LRP1B: variants seen among roughly 807,000 people sequenced by gnomAD.
LRP1B encodes low-density lipoprotein receptor-related protein 1B.
Under a neutral mutation model 556.6 loss-of-function variants are expected in LRP1B, and 217 were observed. The observed-to-expected ratio is 0.39, with a 90% CI of 0.35 to 0.44. The LOEUF (loss-of-function observed/expected upper bound fraction) is 0.44. LRP1B is among the 20% of genes least tolerant of loss of function. The pLI, the probability that LRP1B is intolerant of heterozygous loss-of-function variation, is 1.00. For synonymous variants in LRP1B, 2,047 were observed against 1,865.8 expected (o/e 1.10, Z -2.50); for missense variants, 5,053 against 5,620.8 (o/e 0.90, Z 3.23).
intron 43 of LRP1B, among the ~76,000 whole-genome samples, chr2:140,579,703 G>A (rs931636073): frequency 7.2e-5 from 11 of 152,188 alleles, no homozygotes; most frequent in African/African-American, 1.9e-4. Context: ...TCAGCCGGGC[G>A]TGATAGCACA....
chr2:140,832,045 T>C (rs1331551664), intron 31 of LRP1B, among the ~76,000 whole-genome samples: 1 of 152,146 alleles, frequency 6.6e-6, no homozygotes. Flanking sequence ...GGTACAGACA[T>C]GGGAACACTC....
intron 43 of LRP1B, among the ~76,000 whole-genome samples, chr2:140,561,375 C>G (rs1680924480): frequency 6.6e-6 from 1 of 152,142 alleles, no homozygotes; most frequent in African/African-American, 2.4e-5. Context: ...TTGATCATAC[C>G]CTTCTTGTCC....
rs1375602720 is a variant in LRP1B, at chr2:140,502,993, C to G, written c.8632G>C (p.Ala2878Pro). 6.2e-7 allele frequency: 1 copy of G among 1,613,062 alleles called. No homozygotes were observed. The highest frequency in any genetic ancestry group is 8.5e-7 in the Non-Finnish European group (1 of 1,179,310). Residue 2878 changes from alanine to proline, a missense_variant, in exon 54 of 91, where the codon GCA (alanine) becomes CCA (proline). This residue lies in a region of LRP1B where 3,619 missense variants were observed against 3,931.9 expected (regional missense o/e 0.92). Transcript: ENST00000389484. ...CTTTTACACTTTGGGTTTAAAGGTG[C>G]TTCATCAGAATGGTCAGGACAGTCA... ...DFDCPDHSDE[A>P]PLNPKCKSAE...
chr2:140,284,544 A>T, intron 84 of LRP1B, among the ~76,000 whole-genome samples: 1 of 151,532 alleles, frequency 6.6e-6, no homozygotes, highest in African/African-American at 2.4e-5. Context: ...ACCATCTTAT[A>T]CACACCCATA....
At chr2:140,592,453 T>G (rs1682265318) in intron 43 of LRP1B, among the ~76,000 whole-genome samples, 1 of 152,116 alleles carries the variant, frequency 6.6e-6, no homozygotes, top group Non-Finnish European at 1.5e-5. Context: ...TTCCTTTTTT[T>G]TTTTAGAAGT....
intron 7 of LRP1B, among the ~76,000 whole-genome samples, chr2:141,176,603 C>T (rs913463922): frequency 7.2e-5 from 11 of 151,858 alleles, no homozygotes; most frequent in African/African-American, 2.7e-4. Context: ...CATAAATTAC[C>T]CAGACTCAGA....
intron 80 of LRP1B, among the ~76,000 whole-genome samples, chr2:140,324,701 C>A (rs1558802204): frequency 6.6e-6 from 1 of 151,708 alleles, no homozygotes; most frequent in Non-Finnish European, 1.5e-5. Context: ...ACTTTTGAAA[C>A]TGAAATTTAT....
chr2:141,422,525 A>G (rs774583339), intron 3 of LRP1B, among the ~76,000 whole-genome samples: 2 of 152,198 alleles, frequency 1.3e-5, no homozygotes, highest in Admixed American at 6.5e-5. Flanking sequence ...TTTAACAAAT[A>G]GTTATAAGAA....
intron 35 of LRP1B, among the ~76,000 whole-genome samples, chr2:140,726,429 C>A (rs1290700015): frequency 6.6e-6 from 1 of 152,164 alleles, no homozygotes; most frequent in Non-Finnish European, 1.5e-5. Context: ...ATGAATCAAG[C>A]CAAAGCACAA....
chr2:141,147,936 A>G (rs1701827203), intron 7 of LRP1B, among the ~76,000 whole-genome samples: 1 of 152,186 alleles, frequency 6.6e-6, no homozygotes, highest in Non-Finnish European at 1.5e-5. Context: ...TCAATACAGT[A>G]ACATGCTGTG....
chr2:140,957,279 A>C (rs1695901130), intron 18 of LRP1B, among the ~76,000 whole-genome samples: 1 of 151,660 alleles, frequency 6.6e-6, no homozygotes, highest in Admixed American at 6.6e-5. Flanking sequence ...TGCTTCTACA[A>C]TGTTCCAAAG....
rs769637671 is a variant in LRP1B at position 140,839,976 on chromosome 2, A to T, written c.5209+15T>A. 1 of 1,498,970 alleles carries T rather than the reference A, an allele frequency of 6.7e-7. No homozygotes were observed. Among genetic ancestry groups the T allele is most frequent in the Non-Finnish European group, 9.2e-7 (1 of 1,088,060 alleles). 92.9% of individuals were successfully genotyped at this position (1,498,970 alleles called of 1,614,324 possible). Reference sequence around the variant, plus strand: ...TCACATTGAAAACTTGGTGACTATTAAAAAAAATACTTACCAACTGGCTCC... The same window carrying T: ...TCACATTGAAAACTTGGTGACTATTTAAAAAAATACTTACCAACTGGCTCC... On this transcript the variant is annotated intron_variant, in intron 31 of 90. Coordinates refer to ENST00000389484, the MANE Select transcript of LRP1B (RefSeq NM_018557.3).
chr2:140,885,508 G>A (rs539722173), intron 24 of LRP1B, among the ~76,000 whole-genome samples: 4 of 151,808 alleles, frequency 2.6e-5, no homozygotes, highest in East Asian at 3.9e-4. Context: ...GCACCACCAC[G>A]TCCAGCTATT....
chr2:140,699,041 G>T (rs912306331), intron 41 of LRP1B, among the ~76,000 whole-genome samples: 1 of 151,970 alleles, frequency 6.6e-6, no homozygotes, highest in Admixed American at 6.6e-5. Flanking sequence ...TTACTTCAGA[G>T]TTTGGTTTTT....
intron 3 of LRP1B, among the ~76,000 whole-genome samples, chr2:141,469,591 T>A (rs6429886): frequency 2.0e-5 from 3 of 151,870 alleles, no homozygotes; most frequent in Admixed American, 2.0e-4. Flanking sequence ...TAAGTGAAAA[T>A]AATGGATTAT....
At chr2:141,425,846 A>C (rs1680342052) in intron 3 of LRP1B, among the ~76,000 whole-genome samples, 1 of 151,398 alleles carries the variant, frequency 6.6e-6, no homozygotes, top group Non-Finnish European at 1.5e-5. Context: ...GTAGGTTGCA[A>C]AATTTTTCTC....
intron 32 of LRP1B, among the ~76,000 whole-genome samples, chr2:140,802,910 T>C (rs1015609893): frequency 6.6e-6 from 1 of 152,200 alleles, no homozygotes; most frequent in African/African-American, 2.4e-5. Flanking sequence ...CTTAGTTAAG[T>C]AGATTCAATC....
intron 2 of LRP1B, among the ~76,000 whole-genome samples, chr2:141,637,797 A>G (rs527240406): frequency 6.6e-6 from 1 of 152,288 alleles, no homozygotes; most frequent in South Asian, 2.1e-4. Flanking sequence ...AATCCCCAAT[A>G]TTGGAGGTGG....
intron 7 of LRP1B, among the ~76,000 whole-genome samples, chr2:141,109,927 T>C (rs1422820155): frequency 6.6e-6 from 1 of 152,114 alleles, no homozygotes; most frequent in African/African-American, 2.4e-5. Context: ...AGGTGCCCTG[T>C]GTGGACAGCT....
Sources: gnomAD v4.1 joint callset for allele counts (sites outside exome capture counted in the v4.1 genomes callset) on GRCh38, gnomAD v4.1.1 for gene constraint, gnomAD v4.1.1 regional missense constraint, MANE v1.5 for transcripts, NCBI Gene and HGNC (gene_info 2026-07-23, HGNC 2026-07-21) for gene names.